Variants in MMP26 observed in about 807,000 individuals in gnomAD.
The protein encoded by MMP26 is matrix metalloproteinase-26.
In MMP26, 33 loss-of-function variants were observed where a neutral mutation model predicts 31.0. The ratio of observed to expected loss-of-function variants is 1.06; its 90% CI spans 0.81 to 1.42. MMP26 has a LOEUF of 1.42. MMP26 is among the 40% of genes most tolerant of loss of function. The probability of loss-of-function intolerance (pLI) is 0.00; values close to 1 mark genes in which losing one functional copy is unlikely to be tolerated. For synonymous variants in MMP26, 122 were observed against 114.9 expected (o/e 1.06, Z -0.40); for missense variants, 347 against 316.1 (o/e 1.10, Z -0.74).
intron 2 of MMP26, among the ~76,000 whole-genome samples, chr11:4,857,127 T>C (rs553672691): frequency 6.6e-6 from 1 of 151,682 alleles, no homozygotes; most frequent in African/African-American, 2.4e-5. Flanking sequence ...GCAGGAAAGA[T>C]CTAAAATCGA....
chr11:4,770,806 G>T (rs183050724), intron 2 of MMP26, among the ~76,000 whole-genome samples: 1 of 152,006 alleles, frequency 6.6e-6, no homozygotes, highest in East Asian at 1.9e-4. Flanking sequence ...TTGCACCACC[G>T]CACTCCAGCC....
chr11:4,937,838 T>C (rs1265561272), intron 2 of MMP26: 1 of 153,036 alleles, frequency 6.5e-6, no homozygotes, highest in African/African-American at 2.4e-5. Flanking sequence ...AGAACATTCT[T>C]GGAAGTCAGA....
At chr11:4,826,868 C>G (rs1006071076) in intron 2 of MMP26, among the ~76,000 whole-genome samples, 2 of 152,108 alleles carry the variant, frequency 1.3e-5, no homozygotes, top group Non-Finnish European at 2.9e-5. Context: ...TCAAATACGT[C>G]TCGGGATACT....
At chr11:4,742,160 C>T (rs1848323330) in intron 1 of MMP26, among the ~76,000 whole-genome samples, 2 of 152,124 alleles carry the variant, frequency 1.3e-5, no homozygotes, top group South Asian at 4.1e-4. Flanking sequence ...CAGATACATT[C>T]AGTAATTCAG....
chr11:4,905,199 A>G (rs1050471652), intron 2 of MMP26, among the ~76,000 whole-genome samples: 35 of 152,114 alleles, frequency 2.3e-4, no homozygotes, highest in African/African-American at 7.5e-4. Context: ...AATGCTTTTA[A>G]TGACATCTCA....
intron 2 of MMP26, chr11:4,804,434 A>G (rs779614275): frequency 1.5e-6 from 2 of 1,304,488 alleles, no homozygotes; most frequent in Non-Finnish European, 2.2e-6. Flanking sequence ...TGCAGATGAT[A>G]ACAATCAAAA....
intron 2 of MMP26, among the ~76,000 whole-genome samples, chr11:4,812,548 T>C (rs1045782870): frequency 6.6e-6 from 1 of 152,154 alleles, no homozygotes; most frequent in Non-Finnish European, 1.5e-5. Context: ...AGAGGTAGGA[T>C]ATGATCACAT....
At chr11:4,882,831 C>G (rs767596078) in intron 2 of MMP26, 1 of 1,613,724 alleles carries the variant, frequency 6.2e-7, no homozygotes, top group Non-Finnish European at 8.5e-7. Flanking sequence ...CTGCTCCAAT[C>G]CAAGGGTTCA....
At chr11:4,759,415 C>T (rs764414662) in intron 1 of MMP26, among the ~76,000 whole-genome samples, 2 of 152,118 alleles carry the variant, frequency 1.3e-5, no homozygotes, top group Non-Finnish European at 2.9e-5. Flanking sequence ...GTAGTATTGA[C>T]AATAGCCACT....
chr11:4,722,330 C>T (rs1054277669), intron 1 of MMP26, among the ~76,000 whole-genome samples: 1 of 152,094 alleles, frequency 6.6e-6, no homozygotes, highest in African/African-American at 2.4e-5. Flanking sequence ...GTGACTGATA[C>T]ATATCTCTTT....
chr11:4,821,356 T>A (rs548441367), intron 2 of MMP26: 1 of 1,540,298 alleles, frequency 6.5e-7, no homozygotes, highest in African/African-American at 1.4e-5. Flanking sequence ...ATGTTACAAG[T>A]GATAAACTAT....
intron 2 of MMP26, chr11:4,875,496 T>A (rs1222572503): frequency 1.3e-5 from 2 of 152,118 alleles, no homozygotes; most frequent in African/African-American, 2.4e-5. Flanking sequence ...TTCTGGAGAC[T>A]TAGGGGAAAA....
At chr11:4,874,262 C>T (rs975025169) in intron 2 of MMP26, among the ~76,000 whole-genome samples, 1 of 151,924 alleles carries the variant, frequency 6.6e-6, no homozygotes, top group Admixed American at 6.6e-5. Flanking sequence ...TAAATAAATG[C>T]ATATGTCTAG....
rs192811848 is a variant in MMP26, at chr11:4,739,463, A to G, written c.-216-27807A>G. Among the ~76,000 whole-genome samples, 673 of 152,186 alleles carry G rather than the reference A, an allele frequency of 4.4e-3. 4 individuals carry two copies. Among genetic ancestry groups the G allele is most frequent in the Admixed American group, 0.013 (192 of 15,288 alleles). ...CAATCTGGTAGTGCTTTGAATATTA[A>G]TGTTTTGTTCTTCTTGACCTCAAGA... On this transcript the variant is annotated intron_variant, in intron 1 of 7. Coordinates refer to ENST00000380390, the MANE Select transcript of MMP26 (RefSeq NM_021801.5).
At chr11:4,917,774 T>C (rs1851120042) in intron 2 of MMP26, among the ~76,000 whole-genome samples, 1 of 152,112 alleles carries the variant, frequency 6.6e-6, no homozygotes, top group Non-Finnish European at 1.5e-5. Context: ...TTTATTGTTT[T>C]GATGTAATAG....
intron 2 of MMP26, among the ~76,000 whole-genome samples, chr11:4,933,525 TTG>T (rs1241961449): frequency 7.7e-6 from 1 of 130,174 alleles, no homozygotes; most frequent in Non-Finnish European, 1.6e-5. Flanking sequence ...GTTATTTTTT[TTG>T]TTTTTTTTTT....
intron 2 of MMP26, among the ~76,000 whole-genome samples, chr11:4,986,960 C>CTCTCCCT (rs1846908730): frequency 1.9e-5 from 1 of 53,336 alleles, no homozygotes; most frequent in Non-Finnish European, 3.7e-5. Context: ...TCTCTCTCTC[C>CTCTCCCT]CTCTCTCTCT....
chr11:4,769,699 C>A (rs1264714149), intron 2 of MMP26: 1 of 1,613,026 alleles, frequency 6.2e-7, no homozygotes, highest in Non-Finnish European at 8.5e-7. Context: ...CAGTCAAGCC[C>A]AGATCAGTGG....
At chr11:4,725,837 G>T (rs973305541) in intron 1 of MMP26, among the ~76,000 whole-genome samples, 1 of 152,154 alleles carries the variant, frequency 6.6e-6, no homozygotes, top group African/African-American at 2.4e-5. Context: ...CTTATATAGG[G>T]TCCATACTAC....
Sources: allele counts gnomAD v4.1 joint callset (sites outside exome capture counted in the v4.1 genomes callset), GRCh38; gene constraint gnomAD v4.1.1; transcripts MANE v1.5; gene names NCBI Gene and HGNC (gene_info 2026-07-23, HGNC 2026-07-21).